ZFAND3: variants seen among roughly 807,000 people sequenced by gnomAD.
ZFAND3 encodes zinc finger AN1-type containing 3, also known as AN1-type zinc finger protein 3.
In ZFAND3, 10 loss-of-function variants were observed where a neutral mutation model predicts 29.6. That is an observed-to-expected ratio of 0.34 (90% CI 0.21 to 0.57). The LOEUF (loss-of-function observed/expected upper bound fraction) is 0.57. Ranked by LOEUF, ZFAND3 falls within the 20% of genes least tolerant of loss-of-function variation. The pLI is 0.86. For synonymous variants in ZFAND3, 128 were observed against 112.6 expected, an observed-to-expected ratio of 1.14 and a Z score of -0.87; for missense variants, 230 against 304.5, an observed-to-expected ratio of 0.76 and a Z score of 1.82.
intron 1 of ZFAND3, among the ~76,000 whole-genome samples, chr6:37,832,559 A>T (rs917775959): frequency 1.3e-5 from 2 of 152,180 alleles, no homozygotes; most frequent in African/African-American, 4.8e-5. Context: ...GAAGATGGTA[A>T]TGGGTGGTGA....
In ZFAND3 at chr6:37,891,284, A is replaced by G. The variant is rs150911934; in HGVS notation, c.72-38675A>G. On this transcript the variant is annotated intron_variant, in intron 1 of 5. Coordinates refer to ENST00000287218, the MANE Select transcript of ZFAND3 (RefSeq NM_021943.3). ...TGATGACTGAGCATAATTCCATTAT[A>G]TGGTTGTTACCATTTTTTGTTTAGT... Among the ~76,000 whole-genome samples, 519 of 152,220 alleles carry G rather than the reference A, an allele frequency of 3.4e-3. 1 individual carries two copies. Among genetic ancestry groups the G allele is most frequent in the Non-Finnish European group, 6.4e-3 (434 of 68,026 alleles).
intron 4 of ZFAND3, among the ~76,000 whole-genome samples, chr6:38,091,922 A>G (rs1204363355): frequency 6.6e-6 from 1 of 152,084 alleles, no homozygotes; most frequent in Non-Finnish European, 1.5e-5. Context: ...GACACTGGGC[A>G]ATGATAGGAT....
chr6:37,933,753 G>GT (rs986571587), intron 2 of ZFAND3, among the ~76,000 whole-genome samples: 2 of 151,936 alleles, frequency 1.3e-5, no homozygotes, highest in African/African-American at 2.4e-5. Flanking sequence ...AATGAGAGAG[G>GT]TTTTTTTGTT....
At chr6:38,061,821 A>G in intron 3 of ZFAND3, 46 bp downstream of exon 3, 1 of 1,590,528 alleles carries the variant, frequency 6.3e-7, no homozygotes, top group Non-Finnish European at 8.6e-7. Flanking sequence ...CAGCTTAAGA[A>G]CTTTAGATGA....
chr6:38,057,049 G>C (rs1764145844), intron 2 of ZFAND3, among the ~76,000 whole-genome samples: 2 of 150,292 alleles, frequency 1.3e-5, no homozygotes, highest in Non-Finnish European at 2.9e-5. Context: ...TATAAAATTA[G>C]TTATTCCTAA....
intron 4 of ZFAND3, among the ~76,000 whole-genome samples, chr6:38,114,105 C>G (rs1278067349): frequency 2.0e-5 from 3 of 152,168 alleles, no homozygotes. Context: ...ACACCTGCCT[C>G]CCAGTGGGAG....
intron 2 of ZFAND3, among the ~76,000 whole-genome samples, chr6:38,053,089 C>T (rs1027786894): frequency 1.1e-4 from 17 of 149,948 alleles, no homozygotes; most frequent in Admixed American, 7.3e-4. Context: ...TGAGAAAGAG[C>T]ATGGAGTGTC....
chr6:37,847,988 G>A (rs1043978938), intron 1 of ZFAND3, among the ~76,000 whole-genome samples: 16 of 152,204 alleles, frequency 1.1e-4, no homozygotes, highest in Non-Finnish European at 2.1e-4. Flanking sequence ...TTACAGAAAG[G>A]TTTGTTAATT....
intron 5 of ZFAND3, among the ~76,000 whole-genome samples, chr6:38,117,278 T>TC (rs398001235): frequency 1.3e-5 from 2 of 149,884 alleles, no homozygotes; most frequent in East Asian, 3.9e-4. Flanking sequence ...TTTTTTTTTT[T>TC]CCTGGGCTGA....
At chr6:38,144,231 A>ATATATATAATATATATATATAT (rs1365246829) in intron 5 of ZFAND3, among the ~76,000 whole-genome samples, 59 of 75,176 alleles carry the variant, frequency 7.8e-4, no homozygotes, top group African/African-American at 1.6e-3. Context: ...ATATATATAT[A>ATATATATAATATATATATATAT]TTTTTTTTTT....
At chr6:38,151,221 C>T (rs1025532462) in intron 5 of ZFAND3, among the ~76,000 whole-genome samples, 1 of 152,146 alleles carries the variant, frequency 6.6e-6, no homozygotes, top group African/African-American at 2.4e-5. Context: ...TTGTTCCTGA[C>T]CCAGAGTGAC....
chr6:37,974,752 A>G (rs745869051), intron 2 of ZFAND3, among the ~76,000 whole-genome samples: 8 of 152,240 alleles, frequency 5.3e-5, no homozygotes, highest in East Asian at 1.9e-4. Flanking sequence ...AGATTCATCT[A>G]TGTTGTTGTC....
At chr6:38,002,669 AAAC>A (rs939785760) in intron 2 of ZFAND3, among the ~76,000 whole-genome samples, 5 of 152,148 alleles carry the variant, frequency 3.3e-5, no homozygotes, top group Admixed American at 6.6e-5. Flanking sequence ...TGTCTCAAAA[AAAC>A]AACAACAATA....
intron 2 of ZFAND3, among the ~76,000 whole-genome samples, chr6:38,055,614 A>G (rs146935878): frequency 8.5e-5 from 13 of 152,296 alleles, no homozygotes; most frequent in Admixed American, 5.2e-4. Context: ...TTGGTTTCCT[A>G]TATACCCAAC....
chr6:38,056,782 A>G (rs1715522927), intron 2 of ZFAND3, among the ~76,000 whole-genome samples: 1 of 152,158 alleles, frequency 6.6e-6, no homozygotes. Flanking sequence ...GAGACATTCC[A>G]TTTCTGGGTA....
At position 38,119,331 on chromosome 6, in the gene ZFAND3, G is replaced by A. The variant is rs148333864; in HGVS notation, c.529+2592G>A. On this transcript the variant is annotated intron_variant, in intron 5 of 5. Transcript: ENST00000287218. The stretch of plus-strand genomic sequence containing the variant: ...TAACTGCCCTGAAAGGTTTTAGAGG[G>A]GGGATAACACAGTAATTTACTACTG... 2.6e-3 allele frequency among the ~76,000 whole-genome samples: 401 copies of A among 152,278 alleles called. 2 individuals are homozygous for A. The highest frequency in any genetic ancestry group is 9.3e-3 in the African/African-American group (385 of 41,556).
intron 1 of ZFAND3, among the ~76,000 whole-genome samples, chr6:37,921,291 A>G (rs1761373287): frequency 6.6e-6 from 1 of 152,084 alleles, no homozygotes; most frequent in African/African-American, 2.4e-5. Context: ...AGATTTTTTT[A>G]GTTTTATGAT....
chr6:38,123,199 T>A (rs780458286), intron 5 of ZFAND3, among the ~76,000 whole-genome samples: 1 of 152,198 alleles, frequency 6.6e-6, no homozygotes, highest in Non-Finnish European at 1.5e-5. Context: ...TATGCATGTG[T>A]CACAACTGTT....
At chr6:37,932,126 G>A (rs1422337172) in intron 2 of ZFAND3, among the ~76,000 whole-genome samples, 1 of 152,072 alleles carries the variant, frequency 6.6e-6, no homozygotes, top group Non-Finnish European at 1.5e-5. Flanking sequence ...AAAATTAGCT[G>A]GGTGTGGTGG....
Sources: gnomAD v4.1 joint callset for allele counts (sites outside exome capture counted in the v4.1 genomes callset) on GRCh38, gnomAD v4.1.1 for gene constraint, MANE v1.5 for transcripts, NCBI Gene and HGNC (gene_info 2026-07-23, HGNC 2026-07-21) for gene names.